SULF2: variants seen among roughly 807,000 people sequenced by gnomAD.
SULF2 encodes sulfatase 2, also known as extracellular sulfatase Sulf-2.
A neutral mutation model predicts 107.7 loss-of-function variants in SULF2; 52 were observed. That is an observed-to-expected ratio of 0.48 (90% CI 0.39 to 0.61). SULF2 has a LOEUF of 0.61. SULF2 is among the 20% of genes least tolerant of loss of function. The pLI, the probability that SULF2 is intolerant of heterozygous loss-of-function variation, is 0.00. For missense variants in SULF2, 993 were observed against 1,177.3 expected, an observed-to-expected ratio of 0.84 and a Z score of 2.29; for synonymous variants, 460 against 464.3, an observed-to-expected ratio of 0.99 and a Z score of 0.12.
rs2039268209 is a variant in SULF2, at chr20:47,678,205, T to A, written c.1193+471A>T. 1 of 156,254 alleles carries A rather than the reference T, an allele frequency of 6.4e-6. No individual in the cohort carries two copies. Among genetic ancestry groups the A allele is most frequent in the African/African-American group, 2.4e-5 (1 of 41,532 alleles). The allele number at this position is 156,254 out of a possible 1,614,324, so 9.7% of individuals were successfully genotyped here. A position where few individuals can be genotyped will look rare whatever the true frequency, so the allele number is the denominator to read the frequency against. On this transcript the variant is annotated intron_variant, in intron 8 of 20. Coordinates refer to ENST00000688720, the MANE Select transcript of SULF2 (RefSeq NM_001387048.1). The surrounding 1 kb of genome is among the most constrained non-coding windows in gnomAD (Gnocchi z 4.5). ...GAGTCAGCATCTGAATTCCCAGAGC[T>A]ACATCCAGACTTGCTGGGATACCTC...
At chr20:47,772,243 C>T (rs115015197) in intron 1 of SULF2, among the ~76,000 whole-genome samples, 195 of 152,352 alleles carry the variant, frequency 1.3e-3, no homozygotes, top group African/African-American at 4.6e-3. Flanking sequence ...ATTACTGCCG[C>T]GTGGGCAGGA....
intron 2 of SULF2, among the ~76,000 whole-genome samples, chr20:47,743,616 G>T (rs1048836217): frequency 2.6e-5 from 4 of 152,140 alleles, no homozygotes; most frequent in Non-Finnish European, 5.9e-5. Flanking sequence ...GCCTGGCCAG[G>T]ACTTCTTTTA....
chr20:47,758,505 A>T (rs2090346838), intron 1 of SULF2, among the ~76,000 whole-genome samples: 1 of 152,038 alleles, frequency 6.6e-6, no homozygotes, highest in Admixed American at 6.6e-5. Context: ...ATGAAATGAC[A>T]ATAGAGAAAA....
intron 3 of SULF2, among the ~76,000 whole-genome samples, chr20:47,721,963 C>T (rs1378941717): frequency 6.6e-6 from 1 of 151,960 alleles, no homozygotes. Flanking sequence ...TTTGCTGGAG[C>T]CCTTGGAAAG....
chr20:47,659,489 C>T, intron 19 of SULF2, 37 bp from the exon 20 acceptor site: 1 of 1,608,250 alleles, frequency 6.2e-7, no homozygotes, highest in Non-Finnish European at 8.5e-7. Context: ...TGAATGTTAA[C>T]CATCACCAAG....
In SULF2 at chr20:47,684,358, CAGG is replaced by C. The variant is rs539483504; in HGVS notation, c.888+70_888+72del. ...TTCCTCCAGGAAAACCCTGAAGGGC[CAGG>C]AGGTCTCGGCCCTGGCCTGGCTGGG... On this transcript the variant is annotated intron_variant, in intron 6 of 20. Coordinates refer to ENST00000688720, the MANE Select transcript of SULF2 (RefSeq NM_001387048.1). 1,514 of 1,477,108 alleles carry C rather than the reference CAGG, an allele frequency of 1.0e-3. 1 individual carries two copies. The highest frequency in any genetic ancestry group is 1.3e-3 in the Non-Finnish European group (1,459 of 1,111,796). 91.5% of individuals were successfully genotyped at this position (1,477,108 alleles called of 1,614,324 possible).
At position 47,663,509 on chromosome 20, in the gene SULF2, C is replaced by G. The variant is rs748960158; in HGVS notation, c.2171G>C (p.Gly724Ala). Residue 724 changes from glycine (G) to alanine (A), a missense_variant, in exon 16 of 21, where the codon GGC (glycine) becomes GCC (alanine). Gly to Ala is a moderately conservative substitution (Grantham distance 60). Around this residue, in one of 3 missense-constraint regions of SULF2, gnomAD observed 497 missense variants for 544.1 expected, o/e 0.91. Transcript: ENST00000688720. ...LQNNDTCSMP[G>A]LTCFTHDNQH... Reference sequence around the variant, plus strand: ...GTTGTCGTGGGTGAAGCACGTGAGGCCTGGCATGCTGCACGTGTCGTTGTT... The same window carrying G: ...GTTGTCGTGGGTGAAGCACGTGAGGGCTGGCATGCTGCACGTGTCGTTGTT... The G allele has an allele frequency of 1.1e-5, 17 of 1,612,368 alleles. No individual in the cohort carries two copies. In the South Asian group the frequency reaches 1.9e-4, roughly 18 times the overall value.
At chr20:47,670,928 T>C (rs1317238392) in intron 11 of SULF2, among the ~76,000 whole-genome samples, 1 of 152,100 alleles carries the variant, frequency 6.6e-6, no homozygotes, top group African/African-American at 2.4e-5. Flanking sequence ...GCTTTGGCTG[T>C]CCTTAGGCCA....
chr20:47,707,547 A>T (rs1270877665), intron 3 of SULF2, among the ~76,000 whole-genome samples: 1 of 152,128 alleles, frequency 6.6e-6, no homozygotes, highest in Non-Finnish European at 1.5e-5. Flanking sequence ...GGCCACCCTT[A>T]CAACCTAGTT....
At chr20:47,728,266 G>A (rs1185253701) in intron 3 of SULF2, among the ~76,000 whole-genome samples, 1 of 152,160 alleles carries the variant, frequency 6.6e-6, no homozygotes, top group East Asian at 1.9e-4. Context: ...GAGGAAGAGA[G>A]CAGGGAGCAA....
At chr20:47,697,068 G>A (rs567533031) in intron 4 of SULF2, among the ~76,000 whole-genome samples, 7 of 152,236 alleles carry the variant, frequency 4.6e-5, no homozygotes, top group African/African-American at 9.6e-5. Context: ...CACACTGGCC[G>A]TGCACTGCCA....
In SULF2 at chr20:47,658,259, T is replaced by C; in HGVS notation, c.*103A>G. 7.9e-7 allele frequency: 1 copy of C among 1,267,874 alleles called. No individual in the cohort carries two copies. The highest frequency in any genetic ancestry group is 1.7e-5 in the Admixed American group (1 of 59,118). The allele number at this position is 1,267,874 out of a possible 1,614,324, so 78.5% of individuals were successfully genotyped here. A position where few individuals can be genotyped will look rare whatever the true frequency, so the allele number is the denominator to read the frequency against. ...TGCGTGCTTGCTTTCTCAGGCCTCC[T>C]GGCCAATACCACAGGTCTGCTGGAA... On this transcript the variant is annotated 3_prime_UTR_variant, in exon 21 of 21. Coordinates refer to ENST00000688720, the MANE Select transcript of SULF2 (RefSeq NM_001387048.1).
At chr20:47,671,192 G>C (rs1052029291) in intron 11 of SULF2, among the ~76,000 whole-genome samples, 1 of 152,260 alleles carries the variant, frequency 6.6e-6, no homozygotes, top group Non-Finnish European at 1.5e-5. Context: ...GCTTCTGTCT[G>C]ACTGTCCTCT....
chr20:47,772,414 C>T (rs2090647811), intron 1 of SULF2, among the ~76,000 whole-genome samples: 1 of 151,908 alleles, frequency 6.6e-6, no homozygotes, highest in Non-Finnish European at 1.5e-5. Flanking sequence ...GTGAGAACCC[C>T]TGCCATACTT....
chr20:47,667,382 CAG>C (rs777755844), intron 11 of SULF2, among the ~76,000 whole-genome samples: 7 of 152,302 alleles, frequency 4.6e-5, no homozygotes, highest in South Asian at 2.1e-4. Context: ...GCTGAAAACT[CAG>C]GGGTGCAGGC....
intron 5 of SULF2, 137 bp downstream of exon 5, chr20:47,689,989 G>T: frequency 1.2e-6 from 1 of 866,646 alleles, no homozygotes; most frequent in Non-Finnish European, 1.5e-6. Flanking sequence ...CAAGCAGTAT[G>T]TTCTTGGGGT....
At chr20:47,684,163 G>A (rs1173036124) in intron 6 of SULF2, among the ~76,000 whole-genome samples, 1 of 152,180 alleles carries the variant, frequency 6.6e-6, no homozygotes, top group Admixed American at 6.5e-5. Flanking sequence ...CAATAAATGT[G>A]TTCAAAAATG....
At chr20:47,757,146 G>A in intron 2 of SULF2, 43 bp downstream of exon 2, 1 of 1,508,858 alleles carries the variant, frequency 6.6e-7, no homozygotes, top group Non-Finnish European at 8.9e-7. Context: ...CAGGGACCCT[G>A]CTCCGAGGGG....
intron 1 of SULF2, among the ~76,000 whole-genome samples, chr20:47,771,674 T>A (rs1395066778): frequency 6.6e-6 from 1 of 151,540 alleles, no homozygotes; most frequent in African/African-American, 2.4e-5. Flanking sequence ...GCCCCTCTCA[T>A]CAGGCAGGTA....
Sources: gnomAD v4.1 joint callset for allele counts (sites outside exome capture counted in the v4.1 genomes callset) on GRCh38, gnomAD v4.1.1 for gene constraint, gnomAD v4.1.1 regional missense constraint, Gnocchi (gnomAD v3.1) non-coding constraint, MANE v1.5 for transcripts, NCBI Gene and HGNC (gene_info 2026-07-23, HGNC 2026-07-21) for gene names.